TYK2: variants seen among roughly 807,000 people sequenced by gnomAD.
The protein encoded by TYK2 is non-receptor tyrosine-protein kinase TYK2.
Under a neutral mutation model 130.9 loss-of-function variants are expected in TYK2, and 65 were observed. The ratio of observed to expected loss-of-function variants is 0.50; its 90% CI spans 0.41 to 0.61. The LOEUF is 0.61. TYK2 is among the 20% of genes least tolerant of loss of function. TYK2 has a pLI of 0.00. For synonymous variants in TYK2, 647 were observed against 658.9 expected (o/e 0.98, Z 0.28); for missense variants, 1,378 against 1,610.7 (o/e 0.86, Z 2.47).
chr19:10,356,887 G>A, intron 17 of TYK2, 169 bp from the exon 18 acceptor site: 1 of 703,978 alleles, frequency 1.4e-6, no homozygotes, highest in Non-Finnish European at 2.5e-6. Context: ...CGTGCTCACA[G>A]CCGTAGAACC....
chr19:10,356,055 A>T (rs1187339236), intron 18 of TYK2, among the ~76,000 whole-genome samples: 2 of 151,784 alleles, frequency 1.3e-5, no homozygotes, highest in African/African-American at 4.8e-5. Context: ...TAATTCTCTA[A>T]TCCAAAGAAG....
At position 10,379,608 on chromosome 19, in the gene TYK2, A is replaced by G. The variant is rs77948647; in HGVS notation, c.-21+7T>C. The G allele has an allele frequency of 2.0e-5, 3 of 152,120 alleles. No homozygotes were observed. Among genetic ancestry groups the G allele is most frequent in the Non-Finnish European group, 4.4e-5 (3 of 68,034 alleles). 9.4% of individuals were successfully genotyped at this position (152,120 alleles called of 1,614,324 possible). On this transcript the variant is annotated splice_region_variant and intron_variant, in intron 2 of 24. Coordinates refer to ENST00000525621, the MANE Select transcript of TYK2 (RefSeq NM_003331.5). ...ATAACCAGACAGGCAGATGTGGTCAAACATACCTGAGGGTGAGTCCTGGAG... is the reference window on the plus strand; with the variant it reads ...ATAACCAGACAGGCAGATGTGGTCAGACATACCTGAGGGTGAGTCCTGGAG...
At chr19:10,360,263 G>C (rs1419826054) in intron 14 of TYK2, among the ~76,000 whole-genome samples, 1 of 152,088 alleles carries the variant, frequency 6.6e-6, no homozygotes, top group Non-Finnish European at 1.5e-5. Flanking sequence ...GGGAGGCTGA[G>C]GCAGGAAGAT....
At position 10,364,778 on chromosome 19, in the gene TYK2, G is replaced by T; in HGVS notation, c.1210-7C>A. On this transcript the variant is annotated splice_polypyrimidine_tract_variant and splice_region_variant and intron_variant, in intron 8 of 24. Transcript: ENST00000525621. The surrounding 1 kb of genome is among the most constrained non-coding windows in gnomAD (Gnocchi z 4.9). ...GGGAAGGCAAGCTCAGCTCCTGCCAGCCAGGGGCGCATCAGGTGGGTGTCC... is the reference window on the plus strand; with the variant it reads ...GGGAAGGCAAGCTCAGCTCCTGCCATCCAGGGGCGCATCAGGTGGGTGTCC... 6.2e-7 allele frequency: 1 copy of T among 1,614,000 alleles called. No homozygotes were observed. Among genetic ancestry groups the T allele is most frequent in the Non-Finnish European group, 8.5e-7 (1 of 1,180,026 alleles).
Position 10,364,816 on chromosome 19 carries a change from A to C in TYK2, c.1209+35T>G, listed in dbSNP as rs1298934558. 6.2e-7 allele frequency: 1 copy of C among 1,613,946 alleles called. No homozygotes were observed. The highest frequency in any genetic ancestry group is 8.5e-7 in the Non-Finnish European group (1 of 1,180,038). The stretch of plus-strand genomic sequence containing the variant: ...CAGGTGGGTGTCCTCCCAGGCCATG[A>C]TGGGCCCTAGCCCAGCCCCTACCCT... On this transcript the variant is annotated intron_variant, in intron 8 of 24. Coordinates refer to ENST00000525621, the MANE Select transcript of TYK2 (RefSeq NM_003331.5). The surrounding 1 kb of genome is among the most constrained non-coding windows in gnomAD (Gnocchi z 4.9).
At position 10,378,764 on chromosome 19, in the gene TYK2, T is replaced by C. The variant is rs1184402393; in HGVS notation, c.-20-338A>G. ...GGGATGTTGAGGCAAGAGGATTGCT[T>C]GAGCCCAGGAGCTCGAGACCAGCCT... On this transcript the variant is annotated intron_variant, in intron 2 of 24. Coordinates refer to ENST00000525621, the MANE Select transcript of TYK2 (RefSeq NM_003331.5). Among the ~76,000 whole-genome samples the C allele has an allele frequency of 2.6e-5, 4 of 152,244 alleles. No homozygotes were observed. In the East Asian group the frequency reaches 7.7e-4, roughly 29 times the overall value.
intron 3 of TYK2, among the ~76,000 whole-genome samples, chr19:10,376,430 T>C (rs8112005): frequency 0.28 from 37,034 of 130,530 alleles, 5,601 homozygotes; most frequent in African/African-American, 0.42. Flanking sequence ...GCCTCAGCCT[T>C]CTGAGTAGCT....
At chr19:10,375,486 G>A (rs2042081094) in intron 3 of TYK2, among the ~76,000 whole-genome samples, 1 of 151,854 alleles carries the variant, frequency 6.6e-6, no homozygotes, top group African/African-American at 2.4e-5. Context: ...GGCGTGGGGT[G>A]TGCACCTGTA....
In TYK2 at chr19:10,354,554, A is replaced by G; in HGVS notation, c.2673T>C (p.Val891=). The part of the protein sequence containing the change: ...NPDSPASDPT[V]FHKRYLKKIR... ...TCTTTTTCAAATAGCGCTTGTGGAAAACCGTAGGGTCCGACGCCGGTGAGT... is the reference window on the plus strand; with the variant it reads ...TCTTTTTCAAATAGCGCTTGTGGAAGACCGTAGGGTCCGACGCCGGTGAGT... Residue 891 remains valine, a synonymous_variant, in exon 19 of 25, where the codon GTT becomes GTC. Transcript: ENST00000525621. 6.2e-7 allele frequency: 1 copy of G among 1,614,014 alleles called. No homozygotes were observed. Among genetic ancestry groups the G allele is most frequent in the Non-Finnish European group, 8.5e-7 (1 of 1,180,014 alleles).
In TYK2 at chr19:10,364,732, C is replaced by T. The variant is rs776878637; in HGVS notation, c.1249G>A (p.Val417Met). 5.6e-6 allele frequency: 9 copies of T among 1,613,730 alleles called. No homozygotes were observed. The highest frequency in any genetic ancestry group is 1.6e-4 in the Middle Eastern group (1 of 6,084). ...CGGAAATAGCCGTCCACCAGCGACACGAAGGACAGCGCCGCAGCCCGGGAA... is the reference window on the plus strand; with the variant it reads ...CGGAAATAGCCGTCCACCAGCGACATGAAGGACAGCGCCGCAGCCCGGGAA... ...LPSRAAALSF[V>M]SLVDGYFRLT... is the part of the protein sequence containing the mutation. The change falls in exon 9 of 25, where the codon GTG (valine) becomes ATG (methionine). Residue 417 changes from valine (V) to methionine (M), a missense_variant. Val to Met is a conservative substitution (Grantham distance 21). Coordinates refer to ENST00000525621, the MANE Select transcript of TYK2 (RefSeq NM_003331.5). The surrounding 1 kb of genome is among the most constrained non-coding windows in gnomAD (Gnocchi z 4.9).
chr19:10,361,682 C>A lies in TYK2; in HGVS notation c.1960-84G>T. The A allele has an allele frequency of 6.3e-7, 1 of 1,579,130 alleles. No individual in the cohort carries two copies. The highest frequency in any genetic ancestry group is 1.3e-5 in the African/African-American group (1 of 74,302). ...CCACGGACACACCCCTCCCATCCCA[C>A]CTCCTCCACAGACACACCCCTCCCA... On this transcript the variant is annotated intron_variant, in intron 13 of 24. Coordinates refer to ENST00000525621, the MANE Select transcript of TYK2 (RefSeq NM_003331.5). The surrounding 1 kb of genome is among the most constrained non-coding windows in gnomAD (Gnocchi z 4.0).
At chr19:10,357,108 G>T in intron 17 of TYK2, 1 of 386,132 alleles carries the variant, frequency 2.6e-6, no homozygotes, top group Non-Finnish European at 4.9e-6. Context: ...CTCTTCTGGG[G>T]CCGGGCACTG....
At chr19:10,375,312 GC>G (rs1328870834) in intron 3 of TYK2, among the ~76,000 whole-genome samples, 2 of 152,138 alleles carry the variant, frequency 1.3e-5, no homozygotes, top group African/African-American at 4.8e-5. Flanking sequence ...TGTAACCAAA[GC>G]CGCCTTAGAA....
At chr19:10,369,574 C>T (rs1055434395) in intron 3 of TYK2, among the ~76,000 whole-genome samples, 13 of 152,222 alleles carry the variant, frequency 8.5e-5, no homozygotes, top group African/African-American at 2.9e-4. Flanking sequence ...CAACCTCTCC[C>T]ACCTGCTCCA....
intron 5 of TYK2, 128 bp downstream of exon 5, chr19:10,367,927 A>C: frequency 8.6e-7 from 1 of 1,161,728 alleles, no homozygotes; most frequent in South Asian, 1.4e-5. Context: ...CTCAAAAAAA[A>C]AAAAAAGATC....
At chr19:10,367,650 G>T (rs989926730) in intron 5 of TYK2, among the ~76,000 whole-genome samples, 5 of 151,130 alleles carry the variant, frequency 3.3e-5, no homozygotes, top group South Asian at 2.1e-4. Context: ...GCTGGGAGCG[G>T]TGGCTCACGC....
Position 10,366,424 on chromosome 19 carries a change from T to C in TYK2, c.622A>G (p.Lys208Glu). 1 of 1,613,336 alleles carries C rather than the reference T, an allele frequency of 6.2e-7. No homozygotes were observed. Among genetic ancestry groups the C allele is most frequent in the Middle Eastern group, 1.7e-4 (1 of 6,060 alleles). Residue 208 changes from lysine (K) to glutamate (E), a missense_variant, in exon 6 of 25, where the codon AAG (lysine) becomes GAG (glutamate). By Grantham distance (56) the Lys-to-Glu change is moderately conservative (BLOSUM62 1). Transcript: ENST00000525621. ...CACCCCATTCCCAGACACCTGGTCT[T>C]CTTGGCCACCTCCTCCAGGGGGATG... is the stretch of plus-strand genomic sequence containing the variant. ...HGIPLEEVAKKTSFKDCIPRS... is the reference protein window; with the variant it reads ...HGIPLEEVAKETSFKDCIPRS...
Position 10,361,454 on chromosome 19 carries a change from G to T in TYK2, c.2047+57C>A. 1 of 1,492,262 alleles carries T rather than the reference G, an allele frequency of 6.7e-7. No individual in the cohort carries two copies. The highest frequency in any genetic ancestry group is 9.1e-7 in the Non-Finnish European group (1 of 1,101,786). The allele number at this position is 1,492,262 out of a possible 1,614,324, so 92.4% of individuals were successfully genotyped here. A position where few individuals can be genotyped will look rare whatever the true frequency, so the allele number is the denominator to read the frequency against. ...AGGGTTGGGGTACAGATCAGGGAGT[G>T]GGTATAAGTCAGGGGTGGCCTGCCA... is the stretch of plus-strand genomic sequence containing the variant. On this transcript the variant is annotated intron_variant, in intron 14 of 24. Transcript: ENST00000525621. The surrounding 1 kb of genome is among the most constrained non-coding windows in gnomAD (Gnocchi z 4.0).
At position 10,353,487 on chromosome 19, in the gene TYK2, G is replaced by T; in HGVS notation, c.3027+41C>A. 1 of 1,405,250 alleles carries T rather than the reference G, an allele frequency of 7.1e-7. No homozygotes were observed. The allele number at this position is 1,405,250 out of a possible 1,614,324, so 87.0% of individuals were successfully genotyped here. A position where few individuals can be genotyped will look rare whatever the true frequency, so the allele number is the denominator to read the frequency against. ...CGCTCAGGCCAGCCCAAGCTGAAGA[G>T]GAAGGGGCAAGCTCCAGAAGCAGGG... On this transcript the variant is annotated intron_variant, in intron 21 of 24. Transcript: ENST00000525621. The surrounding 1 kb of genome is among the most constrained non-coding windows in gnomAD (Gnocchi z 6.9).
Sources: gnomAD v4.1 joint callset for allele counts (sites outside exome capture counted in the v4.1 genomes callset) on GRCh38, gnomAD v4.1.1 for gene constraint, Gnocchi (gnomAD v3.1) non-coding constraint, MANE v1.5 for transcripts, NCBI Gene and HGNC (gene_info 2026-07-23, HGNC 2026-07-21) for gene names.